Variants in PRKCQ observed in about 807,000 individuals in gnomAD.
PRKCQ encodes protein kinase C theta.
In PRKCQ, 41 loss-of-function variants were observed where a neutral mutation model predicts 91.2. That is an observed-to-expected ratio of 0.45 (90% confidence interval 0.35 to 0.58). The LOEUF (loss-of-function observed/expected upper bound fraction) is 0.58. Ranked by LOEUF, PRKCQ falls within the 20% of genes least tolerant of loss-of-function variation. The pLI, the probability that PRKCQ is intolerant of heterozygous loss-of-function variation, is 0.00. For synonymous variants in PRKCQ, 307 were observed against 316.9 expected, an observed-to-expected ratio of 0.97 and a Z score of 0.33; for missense variants, 673 against 896.5, an observed-to-expected ratio of 0.75 and a Z score of 3.18.
intron 4 of PRKCQ, among the ~76,000 whole-genome samples, chr10:6,504,356 G>T (rs979600432): frequency 6.6e-6 from 1 of 152,138 alleles, no homozygotes; most frequent in Non-Finnish European, 1.5e-5. Context: ...CACTCCTCTT[G>T]CCCTCCAACA....
At chr10:6,451,337 T>C (rs1212094736) in intron 15 of PRKCQ, among the ~76,000 whole-genome samples, 1 of 151,966 alleles carries the variant, frequency 6.6e-6, no homozygotes, top group Non-Finnish European at 1.5e-5. Flanking sequence ...AAGAAACGGA[T>C]AAATTCCTCG....
intron 8 of PRKCQ, chr10:6,489,654 G>C (rs554753493): frequency 8.1e-5 from 29 of 358,084 alleles, no homozygotes; most frequent in Non-Finnish European, 1.6e-4. Context: ...TGAGCACAGT[G>C]GAGGGGCAGG....
intron 7 of PRKCQ, among the ~76,000 whole-genome samples, chr10:6,495,072 C>T (rs1010900504): frequency 1.6e-4 from 24 of 152,164 alleles, no homozygotes; most frequent in African/African-American, 5.8e-4. Context: ...TTTCTAACAT[C>T]AAAATCACCT....
intron 12 of PRKCQ, among the ~76,000 whole-genome samples, chr10:6,472,391 G>A (rs981122872): frequency 2.0e-5 from 3 of 152,188 alleles, no homozygotes; most frequent in Non-Finnish European, 4.4e-5. Flanking sequence ...TGTTCTTTTA[G>A]TCCAAGAATT....
intron 12 of PRKCQ, among the ~76,000 whole-genome samples, chr10:6,477,322 C>T (rs988444385): frequency 2.0e-5 from 3 of 152,222 alleles, no homozygotes; most frequent in African/African-American, 4.8e-5. Flanking sequence ...GCTTTGAGCA[C>T]AGCATATGCT....
intron 12 of PRKCQ, among the ~76,000 whole-genome samples, chr10:6,470,649 C>T (rs1835908740): frequency 1.3e-5 from 2 of 152,128 alleles, no homozygotes; most frequent in Admixed American, 6.5e-5. Flanking sequence ...AACGATTTTG[C>T]CATCAAGGAT....
chr10:6,517,147 T>C (rs1838795719), intron 1 of PRKCQ, among the ~76,000 whole-genome samples: 1 of 152,108 alleles, frequency 6.6e-6, no homozygotes, highest in Non-Finnish European at 1.5e-5. Context: ...TTCAGGCAGA[T>C]GGCAGCGTTT....
the PRKCQ span, among the ~76,000 whole-genome samples, chr10:6,402,322 A>G: frequency 0.1 from 15,203 of 148,170 alleles, 2,633 homozygotes; most frequent in African/African-American, 0.36. Context: ...TCTACCCCAG[A>G]ACTTAAACTA....
chr10:6,489,290 T>C (rs2130796024), intron 8 of PRKCQ: 1 of 468,414 alleles, frequency 2.1e-6, no homozygotes, highest in Non-Finnish European at 4.4e-6. Context: ...GAGTTTTACT[T>C]TGCTCCTTAA....
chr10:6,471,083 G>A (rs1017457264), intron 12 of PRKCQ, among the ~76,000 whole-genome samples: 1 of 152,044 alleles, frequency 6.6e-6, no homozygotes, highest in South Asian at 2.1e-4. Flanking sequence ...GTTCTATTCG[G>A]GACCAGCCTT....
At chr10:6,464,479 T>A in intron 12 of PRKCQ, 75 bp from the exon 13 acceptor site, 29 of 1,254,594 alleles carry the variant, frequency 2.3e-5, no homozygotes, top group Non-Finnish European at 3.1e-5. Flanking sequence ...AGACAGGGTC[T>A]CACTCTGTCT....
chr10:6,403,101 A>T, the PRKCQ span, among the ~76,000 whole-genome samples: 1 of 152,224 alleles, frequency 6.6e-6, no homozygotes, highest in African/African-American at 2.4e-5. Flanking sequence ...CTCCTCTGCC[A>T]ATCAACATGC....
intron 15 of PRKCQ, among the ~76,000 whole-genome samples, chr10:6,445,876 C>T (rs771004828): frequency 2.6e-5 from 4 of 152,186 alleles, no homozygotes; most frequent in African/African-American, 4.8e-5. Context: ...CACAAGGCGG[C>T]GTCAAAGCAA....
intron 1 of PRKCQ, among the ~76,000 whole-genome samples, chr10:6,532,219 C>G (rs557979076): frequency 6.6e-6 from 1 of 152,090 alleles, no homozygotes; most frequent in Non-Finnish European, 1.5e-5. Flanking sequence ...AGCCAGTGGC[C>G]GGGTGAAATG....
Position 6,511,025 on chromosome 10 carries a change from G to A in PRKCQ, c.288C>T (p.Cys96=), listed in dbSNP as rs753282192. The A allele has an allele frequency of 5.0e-5, 80 of 1,613,940 alleles. No individual in the cohort carries two copies. The highest frequency in any genetic ancestry group is 6.7e-5 in the Non-Finnish European group (79 of 1,180,000). Residue 96 remains cysteine (C), a synonymous_variant, in exon 3 of 18, where the codon TGC becomes TGT. Transcript: ENST00000263125. ...TVELYSLAER[C]RKNNGKTEIW... is the part of the protein sequence containing the mutation. ...TTTCTGTCTTCCCGTTGTTCTTCCT[G>A]CACCTCTCAGCCAGCGAGTAGAGCT... is the stretch of plus-strand genomic sequence containing the variant.
At position 6,464,369 on chromosome 10, in the gene PRKCQ, T is replaced by A; in HGVS notation, c.1389A>T (p.Gly463=). The A allele has an allele frequency of 6.2e-7, 1 of 1,613,504 alleles. No homozygotes were observed. ...TTTGGATGTGGTACATTAAGTCCCC[T>A]CCGTTGAGGTACTCCATCACAAAAA... is the stretch of plus-strand genomic sequence containing the variant. ...NLFFVMEYLN[G]GDLMYHIQSC... Residue 463 remains glycine (G), a synonymous_variant, in exon 13 of 18, where the codon GGA becomes GGT. Transcript: ENST00000263125.
intron 17 of PRKCQ, among the ~76,000 whole-genome samples, chr10:6,429,288 C>T (rs573677747): frequency 1.3e-5 from 2 of 152,308 alleles, no homozygotes; most frequent in South Asian, 2.1e-4. Flanking sequence ...GAAGGTGAGA[C>T]ATGGTTTAAT....
the PRKCQ span, among the ~76,000 whole-genome samples, chr10:6,402,707 C>G: frequency 1.3e-5 from 2 of 152,140 alleles, no homozygotes; most frequent in African/African-American, 4.8e-5. Context: ...GTCAAGAGTT[C>G]GAGACCAGCC....
intron 1 of PRKCQ, among the ~76,000 whole-genome samples, chr10:6,573,683 T>A (rs1197434412): frequency 6.6e-6 from 1 of 152,268 alleles, no homozygotes; most frequent in African/African-American, 2.4e-5. Flanking sequence ...ACAAGGATTC[T>A]GCTTCTGCAG....
Sources: allele counts gnomAD v4.1 joint callset (sites outside exome capture counted in the v4.1 genomes callset), GRCh38; gene constraint gnomAD v4.1.1; transcripts MANE v1.5; gene names NCBI Gene and HGNC (gene_info 2026-07-23, HGNC 2026-07-21).